Variants in GPC6 observed in about 807,000 individuals in gnomAD.
The protein encoded by GPC6 is glypican-6.
In GPC6, 14 loss-of-function variants were observed where a neutral mutation model predicts 55.2. The ratio of observed to expected loss-of-function variants is 0.25; its 90% confidence interval spans 0.17 to 0.40. GPC6 has a LOEUF of 0.40. Among genes scored for constraint, GPC6 ranks in the 10% least tolerant of loss-of-function variants. The pLI is 1.00. For missense variants in GPC6, 641 were observed against 708.5 expected (o/e 0.90, Z 1.08); for synonymous variants, 278 against 259.6 (o/e 1.07, Z -0.68).
chr13:93,386,098 TAAAAAA>T (rs34852109), intron 1 of GPC6, among the ~76,000 whole-genome samples: 3 of 127,770 alleles, frequency 2.3e-5, no homozygotes, highest in Non-Finnish European at 1.6e-5. Context: ...ACCACTTTGT[TAAAAAA>T]AAAAAAAAAA....
At chr13:93,533,551 G>C (rs1008267439) in intron 1 of GPC6, among the ~76,000 whole-genome samples, 1 of 152,146 alleles carries the variant, frequency 6.6e-6, no homozygotes, top group African/African-American at 2.4e-5. Context: ...ACTCTGAAGA[G>C]GGCCAACTCT....
intron 3 of GPC6, among the ~76,000 whole-genome samples, chr13:93,887,092 G>C (rs1875386462): frequency 6.6e-6 from 1 of 151,898 alleles, no homozygotes; most frequent in South Asian, 2.1e-4. Flanking sequence ...ACAGAAAATA[G>C]ATTCTAAACA....
chr13:93,416,015 T>C (rs780573905), intron 1 of GPC6, among the ~76,000 whole-genome samples: 24 of 152,146 alleles, frequency 1.6e-4, no homozygotes, highest in African/African-American at 5.3e-4. Context: ...TGGTTTAACC[T>C]AACAATTTAA....
chr13:93,778,307 A>G (rs1885531171), intron 2 of GPC6, among the ~76,000 whole-genome samples: 1 of 152,166 alleles, frequency 6.6e-6, no homozygotes, highest in Non-Finnish European at 1.5e-5. Flanking sequence ...AAGAAGCAGC[A>G]ACTTTCTGTT....
chr13:93,266,343 G>A (rs1486893546), intron 1 of GPC6, among the ~76,000 whole-genome samples: 1 of 152,110 alleles, frequency 6.6e-6, no homozygotes, highest in African/African-American at 2.4e-5. Context: ...AGCATGATTT[G>A]CTAATATTCA....
chr13:93,946,980 A>C (rs907057414), intron 3 of GPC6, among the ~76,000 whole-genome samples: 2 of 152,176 alleles, frequency 1.3e-5, no homozygotes, highest in African/African-American at 4.8e-5. Flanking sequence ...CTGACCTTGA[A>C]TCTGACTCTG....
chr13:93,865,268 A>G (rs947757215), intron 3 of GPC6, among the ~76,000 whole-genome samples: 1 of 151,606 alleles, frequency 6.6e-6, no homozygotes, highest in Non-Finnish European at 1.5e-5. Context: ...CTCTCTGGGG[A>G]AAAAAATGGC....
chr13:93,966,933 G>T (rs1332548812), intron 3 of GPC6, among the ~76,000 whole-genome samples: 3 of 152,040 alleles, frequency 2.0e-5, no homozygotes. Context: ...GAGACTACGG[G>T]CATGAGCCAC....
chr13:93,864,302 A>G (rs1888898632), intron 3 of GPC6, among the ~76,000 whole-genome samples: 1 of 151,694 alleles, frequency 6.6e-6, no homozygotes. Context: ...CTACTGAGCA[A>G]TCCTCCCAGA....
chr13:93,665,983 T>G (rs1881116050), intron 2 of GPC6, among the ~76,000 whole-genome samples: 1 of 152,134 alleles, frequency 6.6e-6, no homozygotes, highest in Non-Finnish European at 1.5e-5. Context: ...CTTTAACAAT[T>G]AGGCAATTGG....
intron 3 of GPC6, among the ~76,000 whole-genome samples, chr13:93,999,501 T>C (rs551758716): frequency 6.6e-6 from 1 of 152,348 alleles, no homozygotes; most frequent in South Asian, 2.1e-4. Context: ...CGTGTGCACA[T>C]GTCTTTATAG....
chr13:93,482,621 G>A (rs1423751120), intron 1 of GPC6, among the ~76,000 whole-genome samples: 1 of 152,022 alleles, frequency 6.6e-6, no homozygotes, highest in Non-Finnish European at 1.5e-5. Context: ...AAGTTAATGG[G>A]TAAGAAATCT....
At chr13:93,494,414 T>C (rs1369881361) in intron 1 of GPC6, among the ~76,000 whole-genome samples, 1 of 151,296 alleles carries the variant, frequency 6.6e-6, no homozygotes, top group African/African-American at 2.4e-5. Flanking sequence ...AGCCTATGTG[T>C]GTCTCTGCAC....
At chr13:93,585,568 A>G (rs1290187270) in intron 2 of GPC6, among the ~76,000 whole-genome samples, 2 of 152,200 alleles carry the variant, frequency 1.3e-5, no homozygotes, top group African/African-American at 2.4e-5. Context: ...TAGCTTTTAC[A>G]CTTCTAGCAT....
chr13:93,489,020 G>A (rs932130277), intron 1 of GPC6, among the ~76,000 whole-genome samples: 13 of 151,410 alleles, frequency 8.6e-5, no homozygotes, highest in Admixed American at 3.9e-4. Flanking sequence ...ATTGCTCTTG[G>A]TGTTTTAGTC....
chr13:94,018,935 A>G (rs760721425), intron 3 of GPC6, among the ~76,000 whole-genome samples: 1 of 152,104 alleles, frequency 6.6e-6, no homozygotes, highest in Non-Finnish European at 1.5e-5. Flanking sequence ...TCCCACAACC[A>G]TTCCCCCACC....
chr13:93,742,321 G>A (rs1335669045), intron 2 of GPC6, among the ~76,000 whole-genome samples: 2 of 152,106 alleles, frequency 1.3e-5, no homozygotes, highest in Non-Finnish European at 2.9e-5. Flanking sequence ...TATTTTGATG[G>A]CCTTTCTAGG....
intron 2 of GPC6, among the ~76,000 whole-genome samples, chr13:93,802,057 A>T (rs9589841): frequency 0.43 from 65,257 of 151,972 alleles, 15,412 homozygotes; most frequent in African/African-American, 0.63. Flanking sequence ...TAAGAGATTA[A>T]GTTTAAAAGT....
At position 93,816,487 on chromosome 13, in the gene GPC6, T is replaced by C. The variant is rs907911893; in HGVS notation, c.320-13667T>C. 2.0e-5 allele frequency among the ~76,000 whole-genome samples: 3 copies of C among 152,102 alleles called. No individual in the cohort carries two copies. In the South Asian group the frequency reaches 6.2e-4, roughly 31 times the overall value. ...TACGTTGTTGTTACATTCTGTGATT[T>C]TGAGTAAATTACTTGTTTACCTTCT... On this transcript the variant is annotated intron_variant, in intron 2 of 8. Transcript: ENST00000377047.
Sources: gnomAD v4.1 joint callset for allele counts (sites outside exome capture counted in the v4.1 genomes callset) on GRCh38, gnomAD v4.1.1 for gene constraint, MANE v1.5 for transcripts, NCBI Gene and HGNC (gene_info 2026-07-23, HGNC 2026-07-21) for gene names.